CACNG4: variants seen among roughly 807,000 people sequenced by gnomAD.
CACNG4 encodes calcium voltage-gated channel auxiliary subunit gamma 4.
A neutral mutation model predicts 22.9 loss-of-function variants in CACNG4; 8 were observed. That is an observed-to-expected ratio of 0.35 (90% CI 0.21 to 0.63). The LOEUF is 0.63. Ranked by LOEUF, CACNG4 falls within the 30% of genes least tolerant of loss-of-function variation. CACNG4 has a pLI of 0.72. For synonymous variants in CACNG4, 188 were observed against 191.9 expected (o/e 0.98, Z 0.17); for missense variants, 357 against 455.4 (o/e 0.78, Z 1.97).
chr17:66,964,814 C>T lies in CACNG4; in HGVS notation c.-98C>T. ...GCGGCGCCGCCCCCCGGCCCTCGGC[C>T]CCCCAACCCCGGCGCCCCCGGAGCG... On this transcript the variant is annotated 5_prime_UTR_variant, in exon 1 of 4. Transcript: ENST00000262138. The T allele has an allele frequency of 3.8e-6, 2 of 530,950 alleles. No individual in the cohort carries two copies. Among genetic ancestry groups the T allele is most frequent in the Non-Finnish European group, 4.8e-6 (2 of 416,216 alleles). The allele number at this position is 530,950 out of a possible 1,614,324, so 32.9% of individuals were successfully genotyped here. A position where few individuals can be genotyped will look rare whatever the true frequency, so the allele number is the denominator to read the frequency against.
At chr17:67,017,629 T>C (rs991406184) in intron 1 of CACNG4, among the ~76,000 whole-genome samples, 3 of 151,218 alleles carry the variant, frequency 2.0e-5, no homozygotes, top group African/African-American at 7.3e-5. Context: ...GCAATTCTTG[T>C]GCCTCAGCCT....
At chr17:66,987,875 G>T (rs2035313687) in intron 1 of CACNG4, among the ~76,000 whole-genome samples, 1 of 152,000 alleles carries the variant, frequency 6.6e-6, no homozygotes, top group African/African-American at 2.4e-5. Flanking sequence ...TTCAGCTGGT[G>T]AGCAGAGCTT....
At chr17:67,000,044 G>T (rs1257766419) in intron 1 of CACNG4, among the ~76,000 whole-genome samples, 1 of 152,138 alleles carries the variant, frequency 6.6e-6, no homozygotes, top group South Asian at 2.1e-4. Flanking sequence ...AATCTCGATT[G>T]CCCTCCTAAT....
At chr17:66,989,106 A>T (rs1323533616) in intron 1 of CACNG4, among the ~76,000 whole-genome samples, 1 of 149,628 alleles carries the variant, frequency 6.7e-6, no homozygotes, top group East Asian at 1.9e-4. Context: ...ATGAGAAGAG[A>T]AACAGAAGCT....
rs964297729 is a variant in CACNG4 at position 67,027,115 on chromosome 17, G to A, written c.445+2115G>A. ...CCAACCCCACCATCCCTGCTCCTGC[G>A]GAGGAGGCACACAGGCGGTCCAGCA... On this transcript the variant is annotated intron_variant, in intron 3 of 3. Coordinates refer to ENST00000262138, the MANE Select transcript of CACNG4 (RefSeq NM_014405.4). This position sits in a 1 kb window ranked among gnomAD's most constrained non-coding sequence, Gnocchi z 4.3. 5.9e-5 allele frequency among the ~76,000 whole-genome samples: 9 copies of A among 152,284 alleles called. No homozygotes were observed. Among genetic ancestry groups the A allele is most frequent in the South Asian group, 4.1e-4 (2 of 4,822 alleles).
chr17:67,001,738 G>A (rs912851392), intron 1 of CACNG4, among the ~76,000 whole-genome samples: 15 of 152,186 alleles, frequency 9.9e-5, no homozygotes, highest in African/African-American at 3.6e-4. Context: ...AGGACTTCAG[G>A]GGCCCTCATG....
chr17:67,019,436 C>T (rs1264908372), intron 2 of CACNG4, among the ~76,000 whole-genome samples: 1 of 152,176 alleles, frequency 6.6e-6, no homozygotes, highest in East Asian at 1.9e-4. Context: ...TTCCACAGGG[C>T]CGCCAGAGAT....
chr17:67,027,942 C>A lies in CACNG4; in HGVS notation c.446-2524C>A, dbSNP rs553358760. Among the ~76,000 whole-genome samples the A allele has an allele frequency of 6.6e-6, 1 of 152,148 alleles. No individual in the cohort carries two copies. The highest frequency in any genetic ancestry group is 2.1e-4 in the South Asian group (1 of 4,808). On this transcript the variant is annotated intron_variant, in intron 3 of 3. Transcript: ENST00000262138. The surrounding 1 kb of genome is among the most constrained non-coding windows in gnomAD (Gnocchi z 4.3). ...GTCTGAGGCACGAGAATCACCTGAA[C>A]CTGGGAGGCGGAGGTTGCAATGAGC... is the stretch of plus-strand genomic sequence containing the variant.
chr17:66,981,535 G>A (rs903605970), intron 1 of CACNG4, among the ~76,000 whole-genome samples: 6 of 152,212 alleles, frequency 3.9e-5, no homozygotes, highest in African/African-American at 1.2e-4. Flanking sequence ...AAACATACAA[G>A]CCTTTGTGCA....
In CACNG4 at chr17:67,030,408, C is replaced by G. The variant is rs555361227; in HGVS notation, c.446-58C>G. The stretch of plus-strand genomic sequence containing the variant: ...CTACACTGCCCGTCCCACTGTGGGT[C>G]TAACCTCTGCCTCTCTCCCTCCCTG... On this transcript the variant is annotated intron_variant, in intron 3 of 3. Coordinates refer to ENST00000262138, the MANE Select transcript of CACNG4 (RefSeq NM_014405.4). The surrounding 1 kb of genome is among the most constrained non-coding windows in gnomAD (Gnocchi z 6.4). 1 of 1,517,968 alleles carries G rather than the reference C, an allele frequency of 6.6e-7. No individual in the cohort carries two copies. The highest frequency in any genetic ancestry group is 9.1e-7 in the Non-Finnish European group (1 of 1,102,918). The allele number at this position is 1,517,968 out of a possible 1,614,324, so 94.0% of individuals were successfully genotyped here.
Position 67,030,701 on chromosome 17 carries a change from T to C in CACNG4, c.681T>C (p.Ser227=). Residue 227 remains serine (S), a synonymous_variant, in exon 4 of 4, where the codon TCT becomes TCC. Coordinates refer to ENST00000262138, the MANE Select transcript of CACNG4 (RefSeq NM_014405.4). The surrounding 1 kb of genome is among the most constrained non-coding windows in gnomAD (Gnocchi z 6.4). ...TKREFLKASS[S]SPYARMPSYR... is the part of the protein sequence containing the mutation. ...GGGAATTCCTTAAGGCGTCTTCCTCTTCTCCTTATGCCAGGATGCCGAGCT... is the reference window on the plus strand; with the variant it reads ...GGGAATTCCTTAAGGCGTCTTCCTCCTCTCCTTATGCCAGGATGCCGAGCT... 5.0e-6 allele frequency: 8 copies of C among 1,614,228 alleles called. No individual in the cohort carries two copies. Among genetic ancestry groups the C allele is most frequent in the Non-Finnish European group, 5.1e-6 (6 of 1,180,046 alleles).
chr17:67,004,750 T>C (rs750747157), intron 1 of CACNG4, among the ~76,000 whole-genome samples: 4 of 151,990 alleles, frequency 2.6e-5, no homozygotes, highest in African/African-American at 4.8e-5. Flanking sequence ...TAAGACAGGG[T>C]CTCAGTCCTG....
At chr17:66,994,625 A>T (rs1375560626) in intron 1 of CACNG4, among the ~76,000 whole-genome samples, 1 of 152,192 alleles carries the variant, frequency 6.6e-6, no homozygotes, top group African/African-American at 2.4e-5. Context: ...TTGGAACCAG[A>T]TACAATGATG....
At chr17:67,020,914 G>A (rs2035527842) in intron 2 of CACNG4, among the ~76,000 whole-genome samples, 1 of 152,196 alleles carries the variant, frequency 6.6e-6, no homozygotes, top group Admixed American at 6.5e-5. Flanking sequence ...CATTTAACAA[G>A]TTATTGCAGC....
chr17:66,999,810 A>G (rs2035397369), intron 1 of CACNG4, among the ~76,000 whole-genome samples: 2 of 152,232 alleles, frequency 1.3e-5, no homozygotes, highest in Admixed American at 1.3e-4. Context: ...AAACCATATC[A>G]ACTGGCAAAA....
At chr17:67,003,475 T>TTGA (rs2035420248) in intron 1 of CACNG4, among the ~76,000 whole-genome samples, 1 of 152,134 alleles carries the variant, frequency 6.6e-6, no homozygotes, top group South Asian at 2.1e-4. Flanking sequence ...AGTACTGTGA[T>TTGA]TGATTAGTAA....
intron 1 of CACNG4, among the ~76,000 whole-genome samples, chr17:66,970,284 G>A (rs2035195955): frequency 6.6e-6 from 1 of 152,196 alleles, no homozygotes; most frequent in South Asian, 2.1e-4. Context: ...ATGCAGATTT[G>A]GAAGGGGCAG....
chr17:66,981,427 G>C (rs1012598604), intron 1 of CACNG4, among the ~76,000 whole-genome samples: 1 of 152,028 alleles, frequency 6.6e-6, no homozygotes, highest in African/African-American at 2.4e-5. Context: ...CAGTTTTTTT[G>C]GGTTCTTCTT....
At chr17:66,975,564 C>A (rs1341482754) in intron 1 of CACNG4, among the ~76,000 whole-genome samples, 3 of 152,218 alleles carry the variant, frequency 2.0e-5, no homozygotes, top group Non-Finnish European at 4.4e-5. Flanking sequence ...TCGTGCCTGG[C>A]ACCTTATAGA....
Sources: allele counts gnomAD v4.1 joint callset (sites outside exome capture counted in the v4.1 genomes callset), GRCh38; gene constraint gnomAD v4.1.1; non-coding constraint Gnocchi (gnomAD v3.1); transcripts MANE v1.5; gene names NCBI Gene and HGNC (gene_info 2026-07-23, HGNC 2026-07-21).